SP100: variants seen among roughly 807,000 people sequenced by gnomAD.
The protein encoded by SP100 is nuclear autoantigen Sp-100.
Under a neutral mutation model 130.0 loss-of-function variants are expected in SP100, and 84 were observed. The ratio of observed to expected loss-of-function variants is 0.65; its 90% CI spans 0.54 to 0.77. The LOEUF (loss-of-function observed/expected upper bound fraction) is 0.77, where lower values mean the gene tolerates loss of function less well. Ranked by LOEUF, SP100 falls within the 30% of genes least tolerant of loss-of-function variation. The probability of loss-of-function intolerance (pLI) is 0.00; values close to 1 mark genes in which losing one functional copy is unlikely to be tolerated. For missense variants in SP100, 978 were observed against 1,052.2 expected (o/e 0.93, Z 0.97); for synonymous variants, 331 against 351.7 (o/e 0.94, Z 0.66).
At chr2:230,431,880 C>T (rs1222965203) in intron 2 of SP100, among the ~76,000 whole-genome samples, 1 of 152,138 alleles carries the variant, frequency 6.6e-6, no homozygotes, top group Admixed American at 6.5e-5. Context: ...TTTTTAACAG[C>T]TTTAATGAGG....
chr2:230,450,201 A>G lies in SP100; in HGVS notation c.766A>G (p.Asn256Asp), dbSNP rs745400805. 5.2e-5 allele frequency: 84 copies of G among 1,613,842 alleles called. No individual in the cohort carries two copies. The highest frequency in any genetic ancestry group is 6.9e-5 in the Non-Finnish European group (81 of 1,179,890). ...ESCEQIAVQV[N>D]NGDAGREMPC... ...CTGCGAACAAATTGCTGTCCAAGTG[A>G]ATAATGGGGATGCTGGAAGGGAGAT... is the stretch of plus-strand genomic sequence containing the variant. The change falls in exon 8 of 29, where the codon AAT (asparagine) becomes GAT (aspartate). Residue 256 changes from asparagine (N) to aspartate (D), a missense_variant. Coordinates refer to ENST00000340126, the MANE Select transcript of SP100 (RefSeq NM_001080391.2).
Position 230,504,252 on chromosome 2 carries a change from A to T in SP100, c.1832A>T (p.Glu611Val). ...TCTGAACTTCCTGTGACCTGTGGTG[A>T]GGTGAAGGGCACTCTATATAAGGAG... ...KQSELPVTCGEVKGTLYKERF... is the reference protein window; with the variant it reads ...KQSELPVTCGVVKGTLYKERF... The change falls in exon 21 of 29, where the codon GAG (glutamate) becomes GTG (valine). Residue 611 changes from glutamate (E) to valine (V), a missense_variant. Coordinates refer to ENST00000340126, the MANE Select transcript of SP100 (RefSeq NM_001080391.2). 1.2e-6 allele frequency: 2 copies of T among 1,611,832 alleles called. No homozygotes were observed. Among genetic ancestry groups the T allele is most frequent in the Non-Finnish European group, 1.7e-6 (2 of 1,178,138 alleles).
chr2:230,532,777 T>TTTTA lies in SP100; in HGVS notation c.2095-6474_2095-6471dup, dbSNP rs200512124. On this transcript the variant is annotated intron_variant, in intron 24 of 28. Coordinates refer to ENST00000340126, the MANE Select transcript of SP100 (RefSeq NM_001080391.2). ...TGTGCTAGTGCTCTTTTATTTTTAT[T>TTTTA]TTTATTTATTTATTTATTTTTGAGA... Among the ~76,000 whole-genome samples, 266 of 152,186 alleles carry TTTTA rather than the reference T, an allele frequency of 1.7e-3. 2 individuals are homozygous for TTTTA. The highest frequency in any genetic ancestry group is 5.9e-3 in the African/African-American group (245 of 41,542).
At chr2:230,474,520 C>T (rs997871253) in intron 17 of SP100, 73 bp downstream of exon 17, 9 of 764,212 alleles carry the variant, frequency 1.2e-5, no homozygotes, top group Non-Finnish European at 2.0e-5. Flanking sequence ...GGTTTATTAT[C>T]ATCATTTTCT....
chr2:230,452,218 C>A (rs2064024508), intron 8 of SP100, among the ~76,000 whole-genome samples: 1 of 150,730 alleles, frequency 6.6e-6, no homozygotes, highest in Non-Finnish European at 1.5e-5. Flanking sequence ...GCTCTTGTTG[C>A]CCAGGCTGGA....
chr2:230,432,365 G>C (rs2063124838), intron 2 of SP100, among the ~76,000 whole-genome samples: 1 of 152,026 alleles, frequency 6.6e-6, no homozygotes, highest in Non-Finnish European at 1.5e-5. Context: ...ACAAGCCTTT[G>C]TGTGGATATA....
At chr2:230,429,593 G>A (rs1353513280) in intron 2 of SP100, among the ~76,000 whole-genome samples, 5 of 151,706 alleles carry the variant, frequency 3.3e-5, no homozygotes, top group Middle Eastern at 3.4e-3. Context: ...TAATTTGTAT[G>A]TTGTTTTACT....
intron 2 of SP100, among the ~76,000 whole-genome samples, chr2:230,437,590 G>A (rs981004473): frequency 1.3e-5 from 2 of 151,742 alleles, no homozygotes; most frequent in African/African-American, 4.8e-5. Flanking sequence ...TGTTGTTTGG[G>A]ACAGAGTCTT....
intron 2 of SP100, among the ~76,000 whole-genome samples, chr2:230,428,529 A>G (rs2063005368): frequency 6.7e-6 from 1 of 150,232 alleles, no homozygotes. Flanking sequence ...TGCAAACTCC[A>G]CCTCCCAGGT....
intron 23 of SP100, chr2:230,509,847 G>A (rs937014856): frequency 6.6e-6 from 1 of 152,192 alleles, no homozygotes; most frequent in African/African-American, 2.4e-5. Context: ...AGTGACAATT[G>A]TGTTCACTTG....
At chr2:230,497,544 GAGGAAAGGAAAGGAA>G (rs1231660014) in intron 18 of SP100, among the ~76,000 whole-genome samples, 300 of 19,266 alleles carry the variant, frequency 0.016, 8 homozygotes, top group Admixed American at 0.051. Context: ...GAGGAGAGGA[GAGGAAAGGAAAGGAA>G]AGGAAAGGAA....
At chr2:230,449,310 C>G (rs71415752) in intron 6 of SP100, 160 bp downstream of exon 6, 2 of 824,232 alleles carry the variant, frequency 2.4e-6, no homozygotes, top group East Asian at 2.6e-5. Flanking sequence ...TCCTTATCCT[C>G]TAGGTTGCCT....
chr2:230,528,137 C>A (rs970719801), intron 24 of SP100, among the ~76,000 whole-genome samples: 1 of 152,190 alleles, frequency 6.6e-6, no homozygotes, highest in Non-Finnish European at 1.5e-5. Context: ...TTCTTCTCAC[C>A]ACCACATCAC....
intron 8 of SP100, among the ~76,000 whole-genome samples, chr2:230,455,848 T>G (rs1410858723): frequency 1.3e-5 from 2 of 152,240 alleles, no homozygotes; most frequent in African/African-American, 4.8e-5. Flanking sequence ...CAGGCTATTT[T>G]AAGCTGATAA....
rs79230352 is a variant in SP100 at position 230,461,229 on chromosome 2, C to T, written c.821-33C>T. The T allele has an allele frequency of 1.0e-5, 16 of 1,606,088 alleles. No homozygotes were observed. In the South Asian group the frequency reaches 1.8e-4, roughly 18 times the overall value. On this transcript the variant is annotated intron_variant, in intron 8 of 28. Transcript: ENST00000340126. Reference sequence around the variant, plus strand: ...GATAGTGAAGGAGGTTCACTGGGGACACAAATGAAAATTCTTCATTTATTA... The same window carrying T: ...GATAGTGAAGGAGGTTCACTGGGGATACAAATGAAAATTCTTCATTTATTA...
chr2:230,484,494 ATGCTAGAC>A (rs1475222317), intron 17 of SP100, among the ~76,000 whole-genome samples: 1 of 152,210 alleles, frequency 6.6e-6, no homozygotes, highest in Admixed American at 6.5e-5. Flanking sequence ...CATCTTTATG[ATGCTAGAC>A]TGCCTCCCCA....
At chr2:230,448,105 A>AT (rs2149917698) in intron 5 of SP100, among the ~76,000 whole-genome samples, 1 of 152,348 alleles carries the variant, frequency 6.6e-6, no homozygotes, top group South Asian at 2.1e-4. Flanking sequence ...TATTTCTTAT[A>AT]TCACGGGAGA....
chr2:230,508,891 T>G (rs1690341221), intron 23 of SP100: 1 of 151,728 alleles, frequency 6.6e-6, no homozygotes. Context: ...AAACATTCTC[T>G]CCTTTTCTTT....
intron 24 of SP100, among the ~76,000 whole-genome samples, chr2:230,514,060 A>T (rs1690765727): frequency 6.6e-6 from 1 of 151,440 alleles, no homozygotes; most frequent in Admixed American, 6.6e-5. Flanking sequence ...ACACAATAGA[A>T]TAAAGAAATT....
Sources: gnomAD v4.1 joint callset for allele counts (sites outside exome capture counted in the v4.1 genomes callset) on GRCh38, gnomAD v4.1.1 for gene constraint, MANE v1.5 for transcripts, NCBI Gene and HGNC (gene_info 2026-07-23, HGNC 2026-07-21) for gene names.